Variants in POU2F3 observed in about 807,000 individuals in gnomAD.
POU2F3 encodes the protein POU class 2 homeobox 3.
Under a neutral mutation model 59.2 loss-of-function variants are expected in POU2F3, and 23 were observed. That is an observed-to-expected ratio of 0.39 (90% CI 0.28 to 0.55). The LOEUF (loss-of-function observed/expected upper bound fraction) is 0.55, where lower values mean the gene tolerates loss of function less well. Ranked by LOEUF, POU2F3 falls within the 20% of genes least tolerant of loss-of-function variation. The probability of loss-of-function intolerance (pLI) is 0.66; values close to 1 mark genes in which losing one functional copy is unlikely to be tolerated. For synonymous variants in POU2F3, 190 were observed against 214.6 expected, an observed-to-expected ratio of 0.89 and a Z score of 1.00; for missense variants, 473 against 544.5, an observed-to-expected ratio of 0.87 and a Z score of 1.31.
chr11:120,288,805 A>G lies in POU2F3; in HGVS notation c.133-9460A>G, dbSNP rs978573640. Among the ~76,000 whole-genome samples, 9 of 152,310 alleles carry G rather than the reference A, an allele frequency of 5.9e-5. No homozygotes were observed. The South Asian group carries it at 1.9e-3, about 32-fold the overall frequency. ...ATATACATACGCACATGTATGTATTACATACGCACATGTATGTATTACATA... is the reference window on the plus strand; with the variant it reads ...ATATACATACGCACATGTATGTATTGCATACGCACATGTATGTATTACATA... On this transcript the variant is annotated intron_variant, in intron 3 of 12. Transcript: ENST00000543440.
At chr11:120,317,427 G>C (rs1941818411) in intron 12 of POU2F3, 63 bp downstream of exon 12, 1 of 1,590,906 alleles carries the variant, frequency 6.3e-7, no homozygotes, top group African/African-American at 1.3e-5. Flanking sequence ...GAGAAGCTGA[G>C]CCTATGCCTT....
upstream of POU2F3, among the ~76,000 whole-genome samples, chr11:120,237,022 G>A (rs938007230): frequency 3.3e-5 from 5 of 152,178 alleles, no homozygotes; most frequent in Admixed American, 3.3e-4. Context: ...GATAAGAGAA[G>A]GGGAAGCTCA....
At chr11:120,248,368 T>C (rs1257643468) in intron 2 of POU2F3, among the ~76,000 whole-genome samples, 1 of 152,160 alleles carries the variant, frequency 6.6e-6, no homozygotes, top group Non-Finnish European at 1.5e-5. Context: ...GTCCCTTTTG[T>C]AAAGGGGGAA....
chr11:120,318,615 C>T lies in POU2F3; in HGVS notation c.*223C>T, dbSNP rs1941847858. Reference sequence around the variant, plus strand: ...AATGCTCTTGAAATACACAGCCCCTCCTAGGAGCTTACCATTTTCACCTTC... The same window carrying T: ...AATGCTCTTGAAATACACAGCCCCTTCTAGGAGCTTACCATTTTCACCTTC... On this transcript the variant is annotated 3_prime_UTR_variant, in exon 13 of 13. Coordinates refer to ENST00000543440, the MANE Select transcript of POU2F3 (RefSeq NM_014352.4). 1 of 505,588 alleles carries T rather than the reference C, an allele frequency of 2.0e-6. No homozygotes were observed. The highest frequency in any genetic ancestry group is 3.3e-5 in the South Asian group (1 of 30,358). 31.3% of individuals were successfully genotyped at this position (505,588 alleles called of 1,614,324 possible). A position where few individuals can be genotyped will look rare whatever the true frequency, so the allele number is the denominator to read the frequency against.
intron 1 of POU2F3, among the ~76,000 whole-genome samples, chr11:120,243,108 A>G (rs1449499477): frequency 6.6e-6 from 1 of 152,126 alleles, no homozygotes; most frequent in Admixed American, 6.5e-5. Context: ...AGGCCTGATG[A>G]TGGGACTGAG....
intron 2 of POU2F3, among the ~76,000 whole-genome samples, chr11:120,259,586 C>T (rs967525886): frequency 2.0e-4 from 30 of 152,212 alleles, no homozygotes; most frequent in Non-Finnish European, 5.9e-5. Context: ...CTCATGGGGC[C>T]TCCTGGGTCC....
chr11:120,300,857 A>G, intron 5 of POU2F3: 2 of 327,452 alleles, frequency 6.1e-6, no homozygotes, highest in Non-Finnish European at 1.2e-5. Context: ...AACAAAATGC[A>G]ACTCTGCCTT....
At chr11:120,266,208 C>T (rs1939821005) in intron 2 of POU2F3, among the ~76,000 whole-genome samples, 1 of 152,142 alleles carries the variant, frequency 6.6e-6, no homozygotes, top group Admixed American at 6.5e-5. Flanking sequence ...AAGCCCAGAC[C>T]CTAGGAATCA....
At chr11:120,236,683 C>T (rs774633322), upstream of POU2F3, 65 of 1,505,520 alleles carry the variant, frequency 4.3e-5, 1 homozygote, top group Middle Eastern at 3.4e-4. Flanking sequence ...CATGGAGTCT[C>T]CAAGAACTGC....
chr11:120,284,589 G>A (rs1022916099), intron 3 of POU2F3, among the ~76,000 whole-genome samples: 1 of 152,172 alleles, frequency 6.6e-6, no homozygotes, highest in African/African-American at 2.4e-5. Context: ...GAGGTTTGTA[G>A]TTAGATCAGC....
At chr11:120,286,432 C>T (rs1158663459) in intron 3 of POU2F3, among the ~76,000 whole-genome samples, 1 of 152,200 alleles carries the variant, frequency 6.6e-6, no homozygotes, top group African/African-American at 2.4e-5. Context: ...ACTATTTGTT[C>T]ATCTAGCCAT....
Position 120,252,906 on chromosome 11 carries a change from A to T in POU2F3, c.97+6389A>T, listed in dbSNP as rs535147939. Among the ~76,000 whole-genome samples, 4 of 151,826 alleles carry T rather than the reference A, an allele frequency of 2.6e-5. No homozygotes were observed. In the East Asian group the frequency reaches 7.8e-4, roughly 29 times the overall value. ...TCCTTAAGGAAATGGTCACCCCTCG[A>T]CCCCAGTTGCCACCTTTGCAGCCCC... On this transcript the variant is annotated intron_variant, in intron 2 of 12. Transcript: ENST00000543440.
chr11:120,315,971 C>T (rs1941776690), intron 11 of POU2F3, among the ~76,000 whole-genome samples: 1 of 148,048 alleles, frequency 6.8e-6, no homozygotes, highest in Non-Finnish European at 1.5e-5. Context: ...CTCCCAGGTT[C>T]AAGCAATTCT....
At chr11:120,262,321 C>T (rs144395263) in intron 2 of POU2F3, among the ~76,000 whole-genome samples, 4 of 152,336 alleles carry the variant, frequency 2.6e-5, no homozygotes, top group African/African-American at 9.6e-5. Flanking sequence ...TTTATTTATA[C>T]ATTTATTTTC....
chr11:120,300,258 A>T lies in POU2F3; in HGVS notation c.361+532A>T, dbSNP rs79868707. On this transcript the variant is annotated intron_variant, in intron 5 of 12. Coordinates refer to ENST00000543440, the MANE Select transcript of POU2F3 (RefSeq NM_014352.4). ...AGAGCAAATAGATTGAACTATTAAT[A>T]AATAGCTAACATTTCTTGAGCATGA... 5.9e-3 allele frequency among the ~76,000 whole-genome samples: 892 copies of T among 152,338 alleles called. 3 individuals carry two copies. Among genetic ancestry groups the T allele is most frequent in the Middle Eastern group, 0.02 (6 of 294 alleles).
intron 4 of POU2F3, among the ~76,000 whole-genome samples, chr11:120,299,401 T>C (rs1022710169): frequency 1.3e-5 from 2 of 152,180 alleles, no homozygotes; most frequent in Non-Finnish European, 2.9e-5. Flanking sequence ...AGTAACAATA[T>C]GTAGTAAGGA....
chr11:120,255,509 G>C (rs529685895), intron 2 of POU2F3, among the ~76,000 whole-genome samples: 328 of 152,228 alleles, frequency 2.2e-3, no homozygotes, highest in Non-Finnish European at 3.6e-3. Context: ...GGGGTGGGGA[G>C]GGGGAGAGGT....
intron 3 of POU2F3, among the ~76,000 whole-genome samples, chr11:120,278,898 A>C (rs1390793736): frequency 6.6e-6 from 1 of 152,186 alleles, no homozygotes; most frequent in Admixed American, 6.5e-5. Flanking sequence ...TGTATCCCAG[A>C]ACTTAAAGTA....
At chr11:120,303,164 G>C (rs1023287876) in intron 6 of POU2F3, 50 of 152,332 alleles carry the variant, frequency 3.3e-4, no homozygotes, top group African/African-American at 1.2e-3. Flanking sequence ...GGCCTTCAGA[G>C]AGGGCTGAGG....
Sources: gnomAD v4.1 joint callset for allele counts (sites outside exome capture counted in the v4.1 genomes callset) on GRCh38, gnomAD v4.1.1 for gene constraint, MANE v1.5 for transcripts, NCBI Gene and HGNC (gene_info 2026-07-23, HGNC 2026-07-21) for gene names.